FAM200B: variants seen among roughly 807,000 people sequenced by gnomAD.
FAM200B encodes the protein protein FAM200B.
FAM200B carries 32 observed loss-of-function variants against 33.1 expected under a neutral mutation model. The observed-to-expected ratio is 0.97, with a 90% confidence interval of 0.73 to 1.30. The LOEUF is 1.30. Among genes scored for constraint, FAM200B ranks in the 50% most tolerant of loss-of-function variants. FAM200B has a pLI of 0.00. For missense variants in FAM200B, 741 were observed against 754.0 expected (o/e 0.98, Z 0.20); for synonymous variants, 240 against 264.8 (o/e 0.91, Z 0.91).
chr4:15,656,001 A>C, the FAM200B span, among the ~76,000 whole-genome samples: 29 of 152,354 alleles, frequency 1.9e-4, no homozygotes, highest in African/African-American at 6.5e-4. Flanking sequence ...AGAGACCGCG[A>C]GAGAGAGTTC....
At chr4:15,644,563 T>C in the FAM200B span, 1 of 1,614,138 alleles carries the variant, frequency 6.2e-7, no homozygotes, top group East Asian at 2.2e-5. Flanking sequence ...ATGTACATTA[T>C]AAATGGTCTG....
At chr4:15,638,267 T>G in the FAM200B span, among the ~76,000 whole-genome samples, 3 of 152,174 alleles carry the variant, frequency 2.0e-5, no homozygotes, top group Non-Finnish European at 4.4e-5. Flanking sequence ...ATATATAAAT[T>G]TATTCAAGAA....
chr4:15,644,601 G>A, the FAM200B span: 4 of 1,613,978 alleles, frequency 2.5e-6, no homozygotes, highest in Non-Finnish European at 3.4e-6. Context: ...AACCAATAAT[G>A]TATTCATTTT....
At chr4:15,659,627 C>A in the FAM200B span, 11 of 380,818 alleles carry the variant, frequency 2.9e-5, no homozygotes, top group African/African-American at 1.7e-4. Flanking sequence ...CATTTTAAAT[C>A]TGGAGATATA....
the FAM200B span, among the ~76,000 whole-genome samples, chr4:15,649,441 T>C: frequency 6.6e-6 from 1 of 151,850 alleles, no homozygotes; most frequent in African/African-American, 2.4e-5. Flanking sequence ...TAGTTGGGCG[T>C]GGTTAGCACA....
At chr4:15,679,570 A>AAAAAAAC (rs1553858030), upstream of FAM200B, among the ~76,000 whole-genome samples, 1 of 151,542 alleles carries the variant, frequency 6.6e-6, no homozygotes, top group Non-Finnish European at 1.5e-5. Context: ...AACAAAAAAA[A>AAAAAAAC]AAAAAAACAA....
At position 15,687,841 on chromosome 4, in the gene FAM200B, GA is replaced by G; in HGVS notation, c.869del (p.Asn290ThrfsTer13). 2 of 1,551,246 alleles carry G rather than the reference GA, an allele frequency of 1.3e-6. No homozygotes were observed. Among genetic ancestry groups the G allele is most frequent in the Non-Finnish European group, 1.7e-6 (2 of 1,146,742 alleles). On this transcript the variant is annotated frameshift_variant, in exon 2 of 2. Transcript: ENST00000422728. LOFTEE classifies it high-confidence loss of function. ...TAGTTGGCCAATATAAATTAAACTGGAAAAACTGTAAAGGAATTACAAGTGA... is the reference window on the plus strand; with the variant it reads ...TAGTTGGCCAATATAAATTAAACTGGAAAACTGTAAAGGAATTACAAGTGA... ...RIVGQYKLNW[K>X]NCKGITSDGT...
the FAM200B span, among the ~76,000 whole-genome samples, chr4:15,665,924 C>T: frequency 6.6e-6 from 1 of 152,058 alleles, no homozygotes; most frequent in South Asian, 2.1e-4. Flanking sequence ...AGACCATAAG[C>T]CACACCCTTG....
At position 15,689,483 on chromosome 4, in the gene FAM200B, C is replaced by G. The variant is rs1719206942; in HGVS notation, c.*532C>G. ...TAGGGTAAGTCTGAATTAAATGTTA[C>G]TTTCCCCTCACTGGGCATGGTGGCT... On this transcript the variant is annotated 3_prime_UTR_variant, in exon 2 of 2. Transcript: ENST00000422728. The G allele has an allele frequency of 6.0e-6, 1 of 167,058 alleles. No homozygotes were observed. The highest frequency in any genetic ancestry group is 2.4e-5 in the African/African-American group (1 of 41,452). The allele number at this position is 167,058 out of a possible 1,614,324, so 10.3% of individuals were successfully genotyped here. A position where few individuals can be genotyped will look rare whatever the true frequency, so the allele number is the denominator to read the frequency against.
chr4:15,649,328 C>G, the FAM200B span, among the ~76,000 whole-genome samples: 1 of 151,836 alleles, frequency 6.6e-6, no homozygotes, highest in African/African-American at 2.4e-5. Context: ...GCCTGTAATC[C>G]CAGCACTTTG....
At chr4:15,646,793 G>T in the FAM200B span, among the ~76,000 whole-genome samples, 6 of 150,538 alleles carry the variant, frequency 4.0e-5, no homozygotes, top group Non-Finnish European at 7.4e-5. Context: ...AGAACATGCG[G>T]TGTTTGGTTT....
the FAM200B span, among the ~76,000 whole-genome samples, chr4:15,652,088 G>A: frequency 1.3e-5 from 2 of 152,094 alleles, no homozygotes; most frequent in Non-Finnish European, 2.9e-5. Context: ...CAGAGTAGAC[G>A]GTAGAAACTC....
intron 1 of FAM200B, among the ~76,000 whole-genome samples, chr4:15,683,361 T>C (rs1006045003): frequency 2.8e-4 from 42 of 152,274 alleles, no homozygotes; most frequent in African/African-American, 8.4e-4. Flanking sequence ...TTCCCTAATA[T>C]ACTGCCACTG....
At chr4:15,673,955 A>G in the FAM200B span, among the ~76,000 whole-genome samples, 1 of 152,210 alleles carries the variant, frequency 6.6e-6, no homozygotes, top group African/African-American at 2.4e-5. Flanking sequence ...ATTGCCTGAT[A>G]TCCAATATCT....
At chr4:15,656,237 A>G in the FAM200B span, 1 of 456,204 alleles carries the variant, frequency 2.2e-6, no homozygotes, top group Middle Eastern at 3.3e-4. Context: ...ACCCAGGAAA[A>G]TGTCTGCCTC....
chr4:15,645,826 T>C, the FAM200B span, among the ~76,000 whole-genome samples: 1 of 152,222 alleles, frequency 6.6e-6, no homozygotes, highest in South Asian at 2.1e-4. Flanking sequence ...TTAGCTATTA[T>C]CATTTTGAAA....
the FAM200B span, among the ~76,000 whole-genome samples, chr4:15,666,478 G>T: frequency 1.3e-5 from 2 of 152,158 alleles, no homozygotes; most frequent in African/African-American, 4.8e-5. Context: ...TATAAGTAAA[G>T]AGAGGATGAT....
chr4:15,676,736 G>A (rs754636874), upstream of FAM200B, among the ~76,000 whole-genome samples: 33 of 151,940 alleles, frequency 2.2e-4, no homozygotes, highest in Non-Finnish European at 4.9e-4. Context: ...ACTAGGTGTT[G>A]GGTTGTTGGG....
At chr4:15,646,702 C>T in the FAM200B span, among the ~76,000 whole-genome samples, 3 of 133,896 alleles carry the variant, frequency 2.2e-5, no homozygotes, top group East Asian at 2.7e-4. Flanking sequence ...CCCCTCCCCC[C>T]ACCCCACAAC....
Sources: gnomAD v4.1 joint callset for allele counts (sites outside exome capture counted in the v4.1 genomes callset) on GRCh38, gnomAD v4.1.1 for gene constraint, MANE v1.5 for transcripts, NCBI Gene and HGNC (gene_info 2026-07-23, HGNC 2026-07-21) for gene names.